The following MYH3 variants were observed in gnomAD, a reference collection of about 807,000 sequenced individuals.
MYH3 encodes myosin heavy chain 3.
A neutral mutation model predicts 238.0 loss-of-function variants in MYH3; 130 were observed. The observed-to-expected ratio is 0.55, with a 90% confidence interval of 0.47 to 0.63. MYH3 has a LOEUF of 0.63. MYH3 is among the 30% of genes least tolerant of loss of function. MYH3 has a pLI of 0.00. For synonymous variants in MYH3, 880 were observed against 924.1 expected, an observed-to-expected ratio of 0.95 and a Z score of 0.86; for missense variants, 1,853 against 2,374.9, an observed-to-expected ratio of 0.78 and a Z score of 4.57.
chr17:10,653,627 G>A (rs1376848286), intron 3 of MYH3, among the ~76,000 whole-genome samples: 1 of 152,200 alleles, frequency 6.6e-6, no homozygotes, highest in Admixed American at 6.5e-5. Context: ...GGCACAGGGG[G>A]TGGGGAACTT....
At chr17:10,653,756 C>T (rs1270359696) in intron 3 of MYH3, among the ~76,000 whole-genome samples, 1 of 152,200 alleles carries the variant, frequency 6.6e-6, no homozygotes, top group African/African-American at 2.4e-5. Context: ...TTTTCCCTGC[C>T]TTCAAGCAGG....
Position 10,628,571 on chromosome 17 carries a change from A to G in MYH3, c.*82T>C. The G allele has an allele frequency of 3.4e-6, 5 of 1,472,456 alleles. No individual in the cohort carries two copies. Among genetic ancestry groups the G allele is most frequent in the Non-Finnish European group, 4.8e-6 (5 of 1,050,992 alleles). The allele number at this position is 1,472,456 out of a possible 1,614,324, so 91.2% of individuals were successfully genotyped here. On this transcript the variant is annotated 3_prime_UTR_variant, in exon 41 of 41. Transcript: ENST00000583535. Reference sequence around the variant, plus strand: ...AGTTTATTGCATGTGAAAAAGAGTCACATGGACATTAAGTATCAATGGTCA... The same window carrying G: ...AGTTTATTGCATGTGAAAAAGAGTCGCATGGACATTAAGTATCAATGGTCA...
chr17:10,660,468 G>C (rs960050154), upstream of MYH3, among the ~76,000 whole-genome samples: 1 of 151,806 alleles, frequency 6.6e-6, no homozygotes, highest in African/African-American at 2.4e-5. Flanking sequence ...GAGGTCAGGA[G>C]ATCGATACCA....
intron 31 of MYH3, among the ~76,000 whole-genome samples, 189 bp downstream of exon 31, chr17:10,634,651 T>TCTACC (rs2074196234): frequency 6.6e-6 from 1 of 152,180 alleles, no homozygotes; most frequent in South Asian, 2.1e-4. Context: ...GAAAGGGACC[T>TCTACC]CTACCCCCAG....
upstream of MYH3, among the ~76,000 whole-genome samples, chr17:10,657,520 G>A (rs1263074102): frequency 6.6e-6 from 1 of 152,198 alleles, no homozygotes; most frequent in Non-Finnish European, 1.5e-5. Context: ...AGGAGCTTGG[G>A]ATGCCTTTCT....
rs113678512 is a variant in MYH3, at chr17:10,639,344, T to G, written c.3056A>C (p.Asn1019Thr). The change falls in exon 24 of 41, where the codon AAT becomes ACT. Residue 1019 changes from asparagine to threonine, a missense_variant. By Grantham distance (65) the Asn-to-Thr change is moderately conservative. Around this residue, in one of 3 missense-constraint regions of MYH3, gnomAD observed 1,044 missense variants for 1,192.6 expected, o/e 0.88. Transcript: ENST00000583535. ...DDLQAEEDKVNSLNKTKSKLE... is the reference protein window; with the variant it reads ...DDLQAEEDKVTSLNKTKSKLE... ...TTTGCTCTTGGTTTTGTTCAAAGAA[T>G]TGACTTTGTCTTCTTCAGCTTGGAG... The G allele has an allele frequency of 1.1e-5, 18 of 1,614,198 alleles. 1 individual carries two copies. Among genetic ancestry groups the G allele is most frequent in the African/African-American group, 1.1e-4 (8 of 75,060 alleles).
At chr17:10,644,905 C>A (rs546605104) in intron 12 of MYH3, among the ~76,000 whole-genome samples, 14 of 152,270 alleles carry the variant, frequency 9.2e-5, no homozygotes, top group African/African-American at 3.1e-4. Flanking sequence ...CTCAGAAAGC[C>A]CTGGTCATCC....
intron 38 of MYH3, 67 bp from the exon 39 acceptor site, chr17:10,630,004 T>A: frequency 6.2e-7 from 1 of 1,605,540 alleles, no homozygotes; most frequent in South Asian, 1.1e-5. Flanking sequence ...CATGGGCAGC[T>A]TTCTGGGCCA....
intron 14 of MYH3, among the ~76,000 whole-genome samples, chr17:10,643,520 C>T (rs534795988): frequency 4.6e-5 from 7 of 152,168 alleles, no homozygotes; most frequent in South Asian, 4.1e-4. Flanking sequence ...GAACTACAGG[C>T]GCACGCCACC....
the MYH3 span, among the ~76,000 whole-genome samples, chr17:10,662,685 G>A: frequency 6.6e-6 from 1 of 152,190 alleles, no homozygotes; most frequent in African/African-American, 2.4e-5. Context: ...CAACCCCCAA[G>A]TAAAGATGGA....
chr17:10,651,181 T>G (rs537799755), intron 5 of MYH3, among the ~76,000 whole-genome samples: 1 of 73,746 alleles, frequency 1.4e-5, no homozygotes, highest in African/African-American at 4.5e-5. Flanking sequence ...CAAGACTCCA[T>G]CTCAAAAAAA....
chr17:10,645,340 G>A (rs1170094866), intron 12 of MYH3, among the ~76,000 whole-genome samples: 2 of 151,936 alleles, frequency 1.3e-5, no homozygotes, highest in Admixed American at 6.5e-5. Flanking sequence ...GCTGAGGCAG[G>A]AGAATCACTT....
chr17:10,667,456 T>C, the MYH3 span, among the ~76,000 whole-genome samples: 1 of 152,080 alleles, frequency 6.6e-6, no homozygotes, highest in East Asian at 1.9e-4. Context: ...CCAAGGCAGA[T>C]GGATCACTTG....
chr17:10,645,667 C>G lies in MYH3; in HGVS notation c.1141+40G>C, dbSNP rs746093348. On this transcript the variant is annotated intron_variant, in intron 12 of 40. Transcript: ENST00000583535. ...GCAGTACCAAGTGACCTCAGCAGAT[C>G]AGCCACCCGCTCTGGTTTGCTGTCA... 19 of 1,610,856 alleles carry G rather than the reference C, an allele frequency of 1.2e-5. No homozygotes were observed. In the South Asian group the frequency reaches 2.1e-4, roughly 18 times the overall value.
intron 1 of MYH3, among the ~76,000 whole-genome samples, chr17:10,656,557 A>AT (rs1338340127): frequency 6.7e-5 from 10 of 149,064 alleles, no homozygotes; most frequent in South Asian, 2.1e-4. Context: ...AAAAAAAAAA[A>AT]AAAAGACTAA....
chr17:10,664,264 G>C, the MYH3 span, among the ~76,000 whole-genome samples: 17 of 152,158 alleles, frequency 1.1e-4, no homozygotes, highest in African/African-American at 2.9e-4. Flanking sequence ...TTCATCTAAT[G>C]CTCATGTAAA....
Position 10,634,193 on chromosome 17 carries a change from G to A in MYH3, c.4357-11C>T, listed in dbSNP as rs760274926. On this transcript the variant is annotated splice_polypyrimidine_tract_variant and intron_variant, in intron 31 of 40. Coordinates refer to ENST00000583535, the MANE Select transcript of MYH3 (RefSeq NM_002470.4). ...CCACTCTGCCAACACCTGAAACACC[G>A]GACGGAAGTTCTCTCCGTTTCTGAG... 1.6e-5 allele frequency: 26 copies of A among 1,614,014 alleles called. No homozygotes were observed. Among genetic ancestry groups the A allele is most frequent in the South Asian group, 8.8e-5 (8 of 91,060 alleles).
Position 10,631,619 on chromosome 17 carries a change from T to A in MYH3, c.5278A>T (p.Ile1760Phe). 1.2e-6 allele frequency: 2 copies of A among 1,614,194 alleles called. No individual in the cohort carries two copies. Among genetic ancestry groups the A allele is most frequent in the Non-Finnish European group, 1.7e-6 (2 of 1,180,030 alleles). The change falls in exon 36 of 41, where the codon ATC becomes TTC. Residue 1760 changes from isoleucine (I) to phenylalanine (F), a missense_variant. Physicochemically the swap from Ile to Phe is conservative, Grantham distance 21. Coordinates refer to ENST00000583535, the MANE Select transcript of MYH3 (RefSeq NM_002470.4). ...RNAEEKAKKA[I>F]TDAAMMAEEL... ...GGAAGGAGACGCCTTACGTCCGTGA[T>A]GGCCTTCTTGGCCTTCTCCTCAGCG... is the stretch of plus-strand genomic sequence containing the variant.
In MYH3 at chr17:10,638,039, G is replaced by A. The variant is rs932836059; in HGVS notation, c.3729+4C>T. The A allele has an allele frequency of 1.1e-5, 18 of 1,613,766 alleles. No homozygotes were observed. The highest frequency in any genetic ancestry group is 1.5e-5 in the Non-Finnish European group (18 of 1,179,980). ...CCTTGAGCCACCCCCACCCCGCGCA[G>A]CACCTTAGATTTCGACACACTCTCC... On this transcript the variant is annotated splice_donor_region_variant and intron_variant, in intron 27 of 40. Transcript: ENST00000583535.
Sources: gnomAD v4.1 joint callset for allele counts (sites outside exome capture counted in the v4.1 genomes callset) on GRCh38, gnomAD v4.1.1 for gene constraint, gnomAD v4.1.1 regional missense constraint, MANE v1.5 for transcripts, NCBI Gene and HGNC (gene_info 2026-07-23, HGNC 2026-07-21) for gene names.